RAD51B: variants seen among roughly 807,000 people sequenced by gnomAD.
The protein encoded by RAD51B is DNA repair protein RAD51 homolog 2.
A neutral mutation model predicts 42.2 loss-of-function variants in RAD51B; 38 were observed. The observed-to-expected ratio is 0.90, with a 90% CI of 0.70 to 1.18. The LOEUF (loss-of-function observed/expected upper bound fraction) is 1.18, where lower values mean the gene tolerates loss of function less well. RAD51B is among the 50% of genes most tolerant of loss of function. The probability of loss-of-function intolerance (pLI) is 0.00; values close to 1 mark genes in which losing one functional copy is unlikely to be tolerated. For missense variants in RAD51B, 373 were observed against 400.7 expected, an observed-to-expected ratio of 0.93 and a Z score of 0.59; for synonymous variants, 154 against 145.2, an observed-to-expected ratio of 1.06 and a Z score of -0.43.
In RAD51B at chr14:68,184,625, C is replaced by CAAAAAA. The variant is rs3073458; in HGVS notation, c.757-107253_757-107248dup. Among the ~76,000 whole-genome samples, 146 of 132,206 alleles carry CAAAAAA rather than the reference C, an allele frequency of 1.1e-3. 1 individual carries two copies. Among genetic ancestry groups the CAAAAAA allele is most frequent in the African/African-American group, 1.5e-3 (54 of 35,000 alleles). The allele number at this position is 132,206 out of a possible 152,430, so 86.7% of individuals were successfully genotyped here. The stretch of plus-strand genomic sequence containing the variant: ...GCCCTGTCTAAAAAAAAAAAAAAAC[C>CAAAAAA]AAAAAAAAAAACAGGAAGAAGAAGA... On this transcript the variant is annotated intron_variant, in intron 7 of 10. Coordinates refer to ENST00000471583, the MANE Select transcript of RAD51B (RefSeq NM_133510.4).
chr14:68,179,972 T>C (rs574035378), intron 7 of RAD51B, among the ~76,000 whole-genome samples: 5 of 152,264 alleles, frequency 3.3e-5, no homozygotes, highest in African/African-American at 1.2e-4. Flanking sequence ...TAGAAACAGA[T>C]GGTAGAATGT....
At chr14:68,165,447 C>T (rs997944034) in intron 7 of RAD51B, among the ~76,000 whole-genome samples, 3 of 152,032 alleles carry the variant, frequency 2.0e-5, no homozygotes, top group Admixed American at 6.5e-5. Flanking sequence ...AAAATGGGGC[C>T]GCTTTTATGG....
intron 9 of RAD51B, chr14:68,422,110 G>A: frequency 6.8e-7 from 1 of 1,465,128 alleles, no homozygotes; most frequent in East Asian, 2.3e-5. Flanking sequence ...CTGTCTTTGG[G>A]ATCTTGTCTG....
chr14:68,358,121 T>C (rs1224345808), intron 8 of RAD51B, among the ~76,000 whole-genome samples: 4 of 152,192 alleles, frequency 2.6e-5, no homozygotes, highest in Admixed American at 6.5e-5. Flanking sequence ...TGGTTGATGG[T>C]GCCCAAAACA....
chr14:68,033,608 G>GA (rs1172624732), intron 7 of RAD51B, among the ~76,000 whole-genome samples: 1 of 152,120 alleles, frequency 6.6e-6, no homozygotes, highest in Non-Finnish European at 1.5e-5. Flanking sequence ...GAAAGATAAC[G>GA]AAACTCACTG....
At chr14:68,167,553 A>G (rs1465670319) in intron 7 of RAD51B, among the ~76,000 whole-genome samples, 1 of 152,098 alleles carries the variant, frequency 6.6e-6, no homozygotes, top group African/African-American at 2.4e-5. Flanking sequence ...TTGATTAGAT[A>G]GTGGGTGGAG....
At chr14:68,515,932 C>G (rs1384445719) in intron 10 of RAD51B, among the ~76,000 whole-genome samples, 1 of 152,002 alleles carries the variant, frequency 6.6e-6, no homozygotes, top group East Asian at 1.9e-4. Flanking sequence ...ACCACAGGCA[C>G]CCACCACCAT....
At chr14:67,854,955 A>G (rs1213293690) in intron 4 of RAD51B, among the ~76,000 whole-genome samples, 1 of 152,220 alleles carries the variant, frequency 6.6e-6, no homozygotes, top group Non-Finnish European at 1.5e-5. Context: ...GAGATCCTGT[A>G]TCTTAAAAAA....
At chr14:68,419,331 G>A (rs2084640214) in intron 9 of RAD51B, among the ~76,000 whole-genome samples, 1 of 151,560 alleles carries the variant, frequency 6.6e-6, no homozygotes, top group Non-Finnish European at 1.5e-5. Flanking sequence ...AGGCAAAAAA[G>A]TCCCCAAACC....
chr14:68,511,158 CCT>C (rs1427617400), intron 10 of RAD51B, among the ~76,000 whole-genome samples: 2 of 152,170 alleles, frequency 1.3e-5, no homozygotes, highest in African/African-American at 4.8e-5. Context: ...CTTTGGGACA[CCT>C]CTAGGAGTGG....
chr14:68,500,443 G>A (rs527261256), intron 10 of RAD51B, among the ~76,000 whole-genome samples: 1 of 152,322 alleles, frequency 6.6e-6, no homozygotes, highest in Non-Finnish European at 1.5e-5. Flanking sequence ...ATTACAGAAG[G>A]CTCAAGACCC....
intron 7 of RAD51B, among the ~76,000 whole-genome samples, chr14:68,124,165 C>T (rs2077708847): frequency 6.6e-6 from 1 of 152,170 alleles, no homozygotes; most frequent in African/African-American, 2.4e-5. Context: ...TTGGAGCTAT[C>T]ATTTTGGAAA....
chr14:68,549,837 T>C (rs1888440918), intron 10 of RAD51B, among the ~76,000 whole-genome samples: 1 of 152,192 alleles, frequency 6.6e-6, no homozygotes, highest in South Asian at 2.1e-4. Flanking sequence ...TGACTGATGG[T>C]GAGCTTATGT....
chr14:68,087,722 G>T (rs886803419), intron 7 of RAD51B, among the ~76,000 whole-genome samples: 1 of 150,064 alleles, frequency 6.7e-6, no homozygotes, highest in Admixed American at 6.7e-5. Flanking sequence ...AGAATTGAAG[G>T]TCATGTATAT....
chr14:68,482,176 G>GGTGTGTGTGTGTGTGTGTGTGTGTGTGT (rs66768673), downstream of RAD51B, among the ~76,000 whole-genome samples: 1 of 149,800 alleles, frequency 6.7e-6, no homozygotes, highest in South Asian at 2.1e-4. Context: ...ATATTTTAGG[G>GGTGTGTGTGTGTGTGTGTGTGTGTGTGT]GTGTGTGTGT....
chr14:68,647,307 A>G (rs762000395), intron 10 of RAD51B, among the ~76,000 whole-genome samples: 1 of 152,204 alleles, frequency 6.6e-6, no homozygotes, highest in Non-Finnish European at 1.5e-5. Flanking sequence ...ACATCATAAA[A>G]CTATGTAATA....
intron 10 of RAD51B, among the ~76,000 whole-genome samples, chr14:68,639,572 A>T (rs1202681981): frequency 6.6e-6 from 1 of 152,144 alleles, no homozygotes; most frequent in Non-Finnish European, 1.5e-5. Flanking sequence ...AAAAGGGAGG[A>T]AGCAGGCAGA....
At chr14:68,221,822 G>T (rs926112103) in intron 7 of RAD51B, among the ~76,000 whole-genome samples, 1 of 152,086 alleles carries the variant, frequency 6.6e-6, no homozygotes, top group African/African-American at 2.4e-5. Flanking sequence ...AATCTAAAAA[G>T]AACTCAAACA....
intron 7 of RAD51B, among the ~76,000 whole-genome samples, chr14:68,257,098 C>T (rs868002529): frequency 3.9e-5 from 6 of 152,228 alleles, no homozygotes; most frequent in African/African-American, 1.2e-4. Context: ...ATAAATCAGA[C>T]ATTGAAGGAT....
Sources: gnomAD v4.1 joint callset for allele counts (sites outside exome capture counted in the v4.1 genomes callset) on GRCh38, gnomAD v4.1.1 for gene constraint, MANE v1.5 for transcripts, NCBI Gene and HGNC (gene_info 2026-07-23, HGNC 2026-07-21) for gene names.